GALNT9: variants seen among roughly 807,000 people sequenced by gnomAD.
GALNT9 encodes GalNAc transferase 9.
In GALNT9, 47 loss-of-function variants were observed where a neutral mutation model predicts 63.1. The ratio of observed to expected loss-of-function variants is 0.75; its 90% CI spans 0.59 to 0.95. The LOEUF (loss-of-function observed/expected upper bound fraction) is 0.95. Among genes scored for constraint, GALNT9 ranks in the 40% least tolerant of loss-of-function variants. GALNT9 has a pLI of 0.00. For synonymous variants in GALNT9, 396 were observed against 365.7 expected (o/e 1.08, Z -0.94); for missense variants, 829 against 874.8 (o/e 0.95, Z 0.66).
chr12:132,293,123 A>G (rs1159142515), intron 1 of GALNT9, among the ~76,000 whole-genome samples: 3 of 152,106 alleles, frequency 2.0e-5, no homozygotes, highest in Non-Finnish European at 4.4e-5. Context: ...CCAGGCCTCA[A>G]CCTTTAGTTG....
intron 7 of GALNT9, 110 bp from the exon 8 acceptor site, chr12:132,201,371 C>A (rs934801604): frequency 8.7e-6 from 6 of 686,474 alleles, no homozygotes; most frequent in African/African-American, 7.1e-5. Flanking sequence ...CAGGAGCAGC[C>A]TCCCCCCCAG....
rs531445104 is a variant in GALNT9 at position 132,206,811 on chromosome 12, C to T, written c.1078-3121G>A. Reference sequence around the variant, plus strand: ...GTGGAGATGGCGGCTGACCTGAGTGCGGCACGCCATACCCCGTGAACGGGG... The same window carrying T: ...GTGGAGATGGCGGCTGACCTGAGTGTGGCACGCCATACCCCGTGAACGGGG... On this transcript the variant is annotated intron_variant, in intron 6 of 10. Coordinates refer to ENST00000328957, the MANE Select transcript of GALNT9 (RefSeq NM_001122636.2). Among the ~76,000 whole-genome samples the T allele has an allele frequency of 3.1e-3, 479 of 152,214 alleles. 1 individual carries two copies. Among genetic ancestry groups the T allele is most frequent in the African/African-American group, 0.011 (456 of 41,532 alleles).
At chr12:132,261,227 T>A in intron 3 of GALNT9, 105 bp from the exon 4 acceptor site, 1 of 1,502,130 alleles carries the variant, frequency 6.7e-7, no homozygotes, top group Non-Finnish European at 8.9e-7. Flanking sequence ...ATGGGTGTAT[T>A]GTAAACATTC....
chr12:132,210,376 G>A (rs932337296), intron 6 of GALNT9, among the ~76,000 whole-genome samples: 1 of 152,236 alleles, frequency 6.6e-6, no homozygotes, highest in African/African-American at 2.4e-5. Flanking sequence ...AAAGCAACAG[G>A]GCTCGTAGGG....
intron 5 of GALNT9, among the ~76,000 whole-genome samples, chr12:132,250,917 C>A (rs1418526789): frequency 6.6e-6 from 1 of 152,222 alleles, no homozygotes; most frequent in Non-Finnish European, 1.5e-5. Context: ...GTCGCCTGCA[C>A]ACGTGCACAG....
chr12:132,204,985 G>A (rs1030993194), intron 6 of GALNT9, among the ~76,000 whole-genome samples: 11 of 152,170 alleles, frequency 7.2e-5, no homozygotes, highest in Middle Eastern at 3.4e-3. Flanking sequence ...GCATTGCCCC[G>A]TTCCCTCCGC....
intron 6 of GALNT9, among the ~76,000 whole-genome samples, chr12:132,225,413 CCACA>C (rs1234917581): frequency 6.8e-6 from 1 of 146,130 alleles, no homozygotes; most frequent in African/African-American, 2.5e-5. Flanking sequence ...ACCACACAAC[CCACA>C]CACTATATAC....
At chr12:132,306,759 G>T (rs1040614275) in intron 1 of GALNT9, among the ~76,000 whole-genome samples, 1 of 152,176 alleles carries the variant, frequency 6.6e-6, no homozygotes, top group Non-Finnish European at 1.5e-5. Flanking sequence ...TGAACACAAG[G>T]CTCCCTCCCC....
At chr12:132,251,585 C>G (rs1297965323) in intron 5 of GALNT9, among the ~76,000 whole-genome samples, 1 of 152,212 alleles carries the variant, frequency 6.6e-6, no homozygotes, top group Admixed American at 6.5e-5. Context: ...CTCTTCTGAC[C>G]AGGAGAGGTC....
At chr12:132,256,455 G>A (rs1879114715) in intron 5 of GALNT9, among the ~76,000 whole-genome samples, 1 of 151,626 alleles carries the variant, frequency 6.6e-6, no homozygotes, top group Non-Finnish European at 1.5e-5. Context: ...TGAGGCTACT[G>A]TGAGTAACGC....
chr12:132,318,365 G>A lies in GALNT9; in HGVS notation c.238+10601C>T, dbSNP rs537956529. On this transcript the variant is annotated intron_variant, in intron 1 of 10. Coordinates refer to ENST00000328957, the MANE Select transcript of GALNT9 (RefSeq NM_001122636.2). ...GAACGAGAGACAAGGTGGGTGCTCGGGGAACCCACATGGATGCCTCTCTTC... is the reference window on the plus strand; with the variant it reads ...GAACGAGAGACAAGGTGGGTGCTCGAGGAACCCACATGGATGCCTCTCTTC... Among the ~76,000 whole-genome samples the A allele has an allele frequency of 3.3e-5, 5 of 152,332 alleles. No homozygotes were observed. In the East Asian group the frequency reaches 9.6e-4, roughly 29 times the overall value.
At chr12:132,207,517 G>A (rs1425173016) in intron 6 of GALNT9, among the ~76,000 whole-genome samples, 2 of 152,224 alleles carry the variant, frequency 1.3e-5, no homozygotes, top group Non-Finnish European at 2.9e-5. Flanking sequence ...GTCAGTGTGT[G>A]CTGAGCTTGC....
intron 6 of GALNT9, among the ~76,000 whole-genome samples, chr12:132,243,359 G>A (rs2136905232): frequency 1.0e-5 from 1 of 97,144 alleles, no homozygotes; most frequent in African/African-American, 3.8e-5. Context: ...GGCCCCCAGT[G>A]GCCTCAGTGT....
intron 5 of GALNT9, among the ~76,000 whole-genome samples, chr12:132,250,751 A>C (rs989688459): frequency 1.3e-5 from 2 of 152,210 alleles, no homozygotes; most frequent in Non-Finnish European, 2.9e-5. Flanking sequence ...AGATGACGCC[A>C]CTGCACTCCA....
rs1353525872 is a variant in GALNT9, at chr12:132,268,181, A to C, written c.420-5556T>G. ...CACAAGCACACTCTCAAACCCATAC[A>C]TGTACTCACACACATGCACTCACAC... On this transcript the variant is annotated intron_variant, in intron 2 of 10. Transcript: ENST00000328957. 2.6e-5 allele frequency among the ~76,000 whole-genome samples: 4 copies of C among 151,498 alleles called. No homozygotes were observed. In the East Asian group the frequency reaches 7.8e-4, roughly 29 times the overall value.
At chr12:132,219,412 G>C (rs1014878108) in intron 6 of GALNT9, among the ~76,000 whole-genome samples, 1 of 152,250 alleles carries the variant, frequency 6.6e-6, no homozygotes, top group East Asian at 1.9e-4. Flanking sequence ...AGGAGCAGAA[G>C]CCGGCTGCAG....
At chr12:132,285,623 G>A (rs1880558025) in intron 2 of GALNT9, among the ~76,000 whole-genome samples, 1 of 152,212 alleles carries the variant, frequency 6.6e-6, no homozygotes, top group African/African-American at 2.4e-5. Flanking sequence ...AGACACAAGC[G>A]ACACCCAGCT....
chr12:132,257,834 G>A lies in GALNT9; in HGVS notation c.814C>T (p.Pro272Ser), dbSNP rs1555239271. 6.5e-7 allele frequency: 1 copy of A among 1,549,824 alleles called. No homozygotes were observed. Reference protein sequence around the residue: ...IREDRRRIVLPAIDNIKYSTF... With the variant: ...IREDRRRIVLSAIDNIKYSTF... Reference sequence around the variant, plus strand: ...CTGTACTTGATGTTGTCGATGGCTGGCAGCACGATGCGACGCCGGTCCTCT... The same window carrying A: ...CTGTACTTGATGTTGTCGATGGCTGACAGCACGATGCGACGCCGGTCCTCT... The change falls in exon 5 of 11, where the codon CCA (proline) becomes TCA (serine). Residue 272 changes from proline to serine, a missense_variant. Physicochemically the swap from Pro to Ser is moderately conservative, Grantham distance 74. Coordinates refer to ENST00000328957, the MANE Select transcript of GALNT9 (RefSeq NM_001122636.2).
At chr12:132,259,345 G>T (rs1039017715) in intron 4 of GALNT9, among the ~76,000 whole-genome samples, 1 of 152,278 alleles carries the variant, frequency 6.6e-6, no homozygotes, top group Admixed American at 6.5e-5. Flanking sequence ...CTAAAAGGCT[G>T]CCGGTGTAGT....
Sources: gnomAD v4.1 joint callset for allele counts (sites outside exome capture counted in the v4.1 genomes callset) on GRCh38, gnomAD v4.1.1 for gene constraint, MANE v1.5 for transcripts, NCBI Gene and HGNC (gene_info 2026-07-23, HGNC 2026-07-21) for gene names.